TBC1D8: variants seen among roughly 807,000 people sequenced by gnomAD.
The protein encoded by TBC1D8 is BUB2-like protein 1.
In TBC1D8, 65 loss-of-function variants were observed where a neutral mutation model predicts 118.8. The observed-to-expected ratio is 0.55, with a 90% CI of 0.45 to 0.67. TBC1D8 has a LOEUF of 0.67. TBC1D8 is among the 30% of genes least tolerant of loss of function. The probability of loss-of-function intolerance (pLI) is 0.00; values close to 1 mark genes in which losing one functional copy is unlikely to be tolerated. For missense variants in TBC1D8, 1,376 were observed against 1,471.2 expected (o/e 0.94, Z 1.06); for synonymous variants, 566 against 595.8 (o/e 0.95, Z 0.73).
chr2:101,090,391 A>C (rs764313130), intron 1 of TBC1D8, 27 bp from the exon 2 acceptor site: 2 of 1,612,648 alleles, frequency 1.2e-6, no homozygotes. Flanking sequence ...AAGAAAGTGC[A>C]CCTGTGAGCA....
At chr2:101,136,941 C>T (rs1473055232) in intron 1 of TBC1D8, among the ~76,000 whole-genome samples, 7 of 152,074 alleles carry the variant, frequency 4.6e-5, no homozygotes, top group Non-Finnish European at 7.4e-5. Context: ...ATGCTCTTTA[C>T]GCCTTTTTAA....
chr2:101,009,445 A>G (rs1167368886), intron 19 of TBC1D8, among the ~76,000 whole-genome samples: 1 of 151,904 alleles, frequency 6.6e-6, no homozygotes, highest in East Asian at 1.9e-4. Context: ...GGGTACTAAT[A>G]TAACAAATAT....
At chr2:101,058,999 G>A (rs989167150) in intron 3 of TBC1D8, among the ~76,000 whole-genome samples, 1 of 151,744 alleles carries the variant, frequency 6.6e-6, no homozygotes, top group Non-Finnish European at 1.5e-5. Flanking sequence ...ACCACCTCCC[G>A]GGTTCACGCC....
At chr2:101,038,346 A>T (rs1681159476) in intron 7 of TBC1D8, 115 bp downstream of exon 7, 1 of 1,209,246 alleles carries the variant, frequency 8.3e-7, no homozygotes, top group African/African-American at 1.5e-5. Flanking sequence ...AGCAGACCAC[A>T]CACAGGCCCC....
intron 1 of TBC1D8, among the ~76,000 whole-genome samples, chr2:101,130,093 A>G (rs1678528144): frequency 6.6e-6 from 1 of 152,114 alleles, no homozygotes; most frequent in South Asian, 2.1e-4. Context: ...CAGAGCCACA[A>G]TGACCAGGAG....
At chr2:101,127,432 T>C (rs774273339) in intron 1 of TBC1D8, among the ~76,000 whole-genome samples, 1 of 151,988 alleles carries the variant, frequency 6.6e-6, no homozygotes, top group African/African-American at 2.4e-5. Context: ...TTTCAATCTC[T>C]CAACTCACTT....
intron 1 of TBC1D8, among the ~76,000 whole-genome samples, chr2:101,139,989 C>A (rs1487640217): frequency 6.6e-6 from 1 of 152,202 alleles, no homozygotes; most frequent in Admixed American, 6.5e-5. Context: ...ATAAAATGCT[C>A]TTTGGGTTTC....
intron 3 of TBC1D8, among the ~76,000 whole-genome samples, chr2:101,056,488 G>A (rs546816066): frequency 2.0e-5 from 3 of 152,164 alleles, no homozygotes; most frequent in East Asian, 1.9e-4. Flanking sequence ...GAGCCACCGC[G>A]CCCGGCCTAG....
intron 19 of TBC1D8, 32 bp downstream of exon 19, chr2:101,010,897 A>AT: frequency 6.6e-7 from 1 of 1,505,582 alleles, no homozygotes; most frequent in Non-Finnish European, 9.1e-7. Flanking sequence ...AAAAAAAAAA[A>AT]GTTAATTCTC....
At chr2:101,029,901 A>G in intron 11 of TBC1D8, 125 bp from the exon 12 acceptor site, 4 of 957,408 alleles carry the variant, frequency 4.2e-6, no homozygotes, top group Non-Finnish European at 6.1e-6. Context: ...AAAAGCGTCC[A>G]TGCTTAGTTC....
intron 2 of TBC1D8, among the ~76,000 whole-genome samples, chr2:101,070,579 A>G (rs1488759693): frequency 6.6e-6 from 1 of 151,754 alleles, no homozygotes; most frequent in African/African-American, 2.4e-5. Flanking sequence ...TGCCCTGCTA[A>G]TTTTTGTATT....
At chr2:101,090,157 C>T in intron 2 of TBC1D8, 52 bp downstream of exon 2, 1 of 1,561,392 alleles carries the variant, frequency 6.4e-7, no homozygotes, top group Non-Finnish European at 8.7e-7. Flanking sequence ...TGCAGATACT[C>T]AGCATGCTTA....
At chr2:101,090,853 A>C (rs1675989076) in intron 1 of TBC1D8, among the ~76,000 whole-genome samples, 1 of 152,228 alleles carries the variant, frequency 6.6e-6, no homozygotes, top group Non-Finnish European at 1.5e-5. Context: ...AAAGTATCCA[A>C]TATTCAAAGT....
rs759477016 is a variant in TBC1D8, at chr2:101,050,571, G to A, written c.702C>T (p.Thr234=). 1 of 1,613,936 alleles carries A rather than the reference G, an allele frequency of 6.2e-7. No homozygotes were observed. Among genetic ancestry groups the A allele is most frequent in the Non-Finnish European group, 8.5e-7 (1 of 1,179,886 alleles). ...ERTSNVFLTD[T]IRITTQNKER... ...CCTTATTCTGCGTGGTGATTCGGAT[G>A]GTATCCGTCAGAAAGACATTGGACG... The change falls in exon 5 of 20, where the codon ACC becomes ACT. Residue 234 remains threonine, a synonymous_variant. Transcript: ENST00000409318.
At position 101,028,038 on chromosome 2, in the gene TBC1D8, TG is replaced by T. The variant is rs1244325208; in HGVS notation, c.2451+9del. On this transcript the variant is annotated intron_variant, in intron 14 of 19. Transcript: ENST00000409318. ...ACCGTGATCACCGGGGTGAGGCGTC[TG>T]CTACCCACCACGTTCTGCTTTGTGG... The T allele has an allele frequency of 6.2e-7, 1 of 1,613,646 alleles. No individual in the cohort carries two copies. Among genetic ancestry groups the T allele is most frequent in the African/African-American group, 1.3e-5 (1 of 74,930 alleles).
intron 1 of TBC1D8, among the ~76,000 whole-genome samples, chr2:101,146,437 A>G (rs2104287715): frequency 6.6e-6 from 1 of 152,348 alleles, no homozygotes; most frequent in Admixed American, 6.5e-5. Context: ...TCAAATTACA[A>G]CTTTTAAATT....
chr2:101,007,453 T>TGTCA lies in TBC1D8; in HGVS notation c.*364_*367dup, dbSNP rs1678810656. Among the ~76,000 whole-genome samples the TGTCA allele has an allele frequency of 6.6e-6, 1 of 152,234 alleles. No individual in the cohort carries two copies. The highest frequency in any genetic ancestry group is 2.4e-5 in the African/African-American group (1 of 41,462). ...GAACTTGATTCCTGACCTCTCCCAT[T>TGTCA]GTCACTCCAAGTGAAAAATGAAAGC... On this transcript the variant is annotated 3_prime_UTR_variant, in exon 20 of 20. Transcript: ENST00000409318.
intron 1 of TBC1D8, among the ~76,000 whole-genome samples, chr2:101,138,065 G>C (rs1313428293): frequency 1.3e-5 from 2 of 152,218 alleles, no homozygotes; most frequent in Non-Finnish European, 2.9e-5. Context: ...TCATACGACC[G>C]GAGCAGGAGG....
At position 101,038,552 on chromosome 2, in the gene TBC1D8, C is replaced by G; in HGVS notation, c.1184G>C (p.Arg395Pro). ...AAGCAGCGCCTCCACCAGGCTGTCT[C>G]GGTCCCGGAGCTCAATGAACTGGAA... ...VAFQFIELRD[R>P]DSLVEALLAR... Residue 395 changes from arginine (R) to proline (P), a missense_variant, in exon 7 of 20, where the codon CGA becomes CCA. Coordinates refer to ENST00000409318, the MANE Select transcript of TBC1D8 (RefSeq NM_001330348.2). 1.2e-6 allele frequency: 2 copies of G among 1,613,918 alleles called. No individual in the cohort carries two copies. The highest frequency in any genetic ancestry group is 1.7e-6 in the Non-Finnish European group (2 of 1,179,896).
Sources: allele counts gnomAD v4.1 joint callset (sites outside exome capture counted in the v4.1 genomes callset), GRCh38; gene constraint gnomAD v4.1.1; transcripts MANE v1.5; gene names NCBI Gene and HGNC (gene_info 2026-07-23, HGNC 2026-07-21).